The following TENM2 variants were observed in gnomAD, a reference collection of about 807,000 sequenced individuals.
The protein encoded by TENM2 is teneurin transmembrane protein 2.
TENM2 carries 52 observed loss-of-function variants against 245.2 expected under a neutral mutation model. The observed-to-expected ratio is 0.21, with a 90% CI of 0.17 to 0.27. The LOEUF is 0.27. Ranked by LOEUF, TENM2 falls within the 10% of genes least tolerant of loss-of-function variation. The probability of loss-of-function intolerance (pLI) is 1.00; values close to 1 mark genes in which losing one functional copy is unlikely to be tolerated. For missense variants in TENM2, 3,046 were observed against 3,666.8 expected (o/e 0.83, Z 4.37); for synonymous variants, 1,363 against 1,438.9 (o/e 0.95, Z 1.19).
At chr5:167,610,911 T>C (rs1777437308) in intron 2 of TENM2, among the ~76,000 whole-genome samples, 1 of 152,172 alleles carries the variant, frequency 6.6e-6, no homozygotes, top group African/African-American at 2.4e-5. Context: ...AGACAGTCCC[T>C]TATAAGTGCA....
the TENM2 span, among the ~76,000 whole-genome samples, chr5:166,983,206 A>G: frequency 6.6e-6 from 1 of 152,146 alleles, no homozygotes; most frequent in Non-Finnish European, 1.5e-5. Flanking sequence ...GAGGTAGAAA[A>G]TGTTTTCCCT....
At chr5:167,475,771 A>T (rs1279629309) in intron 2 of TENM2, among the ~76,000 whole-genome samples, 4 of 151,924 alleles carry the variant, frequency 2.6e-5, no homozygotes, top group Non-Finnish European at 4.4e-5. Flanking sequence ...TTCCTGTGTT[A>T]GTTTGCTGAG....
chr5:167,702,215 A>G (rs1428532404), intron 2 of TENM2, among the ~76,000 whole-genome samples: 1 of 152,210 alleles, frequency 6.6e-6, no homozygotes, highest in Non-Finnish European at 1.5e-5. Context: ...AGCAAATCCT[A>G]TTAACTCTGC....
At chr5:168,183,835 C>A (rs1403237428) in intron 13 of TENM2, among the ~76,000 whole-genome samples, 2 of 149,944 alleles carry the variant, frequency 1.3e-5, no homozygotes, top group African/African-American at 5.0e-5. Flanking sequence ...CAAGAAGACT[C>A]AAAAAGAAAA....
intron 2 of TENM2, among the ~76,000 whole-genome samples, chr5:167,847,532 A>G (rs1175089209): frequency 2.0e-5 from 3 of 152,190 alleles, no homozygotes; most frequent in Non-Finnish European, 4.4e-5. Flanking sequence ...CCTGAGTTGA[A>G]CCTTCCCCTG....
chr5:166,991,030 AAGAG>A, the TENM2 span, among the ~76,000 whole-genome samples: 1 of 152,156 alleles, frequency 6.6e-6, no homozygotes, highest in Non-Finnish European at 1.5e-5. Flanking sequence ...GAAAGAGTGA[AAGAG>A]AGAATGAAAG....
rs11455974 is a variant in TENM2, at chr5:167,620,549, C to CTTTTT, written c.502+245094_502+245098dup. Among the ~76,000 whole-genome samples, 11 of 73,314 alleles carry CTTTTT rather than the reference C, an allele frequency of 1.5e-4. 1 individual carries two copies. Among genetic ancestry groups the CTTTTT allele is most frequent in the Admixed American group, 4.4e-4 (2 of 4,536 alleles). 48.1% of individuals were successfully genotyped at this position (73,314 alleles called of 152,430 possible). A position where few individuals can be genotyped will look rare whatever the true frequency, so the allele number is the denominator to read the frequency against. The stretch of plus-strand genomic sequence containing the variant: ...TGTTGGCTAAAACTTTGCTTTTTGG[C>CTTTTT]TTTTTTTTTTTTTTTTTTTTTTCAA... On this transcript the variant is annotated intron_variant, in intron 2 of 28. Coordinates refer to ENST00000518659, the Ensembl canonical transcript of TENM2.
the TENM2 span, among the ~76,000 whole-genome samples, chr5:166,987,131 T>C: frequency 2.0e-5 from 3 of 152,124 alleles, no homozygotes; most frequent in Non-Finnish European, 4.4e-5. Flanking sequence ...TTTATATGAT[T>C]TGTGTATGTT....
At chr5:167,187,692 C>T in the TENM2 span, among the ~76,000 whole-genome samples, 1 of 152,060 alleles carries the variant, frequency 6.6e-6, no homozygotes, top group African/African-American at 2.4e-5. Flanking sequence ...TTGTGTTCCT[C>T]CTCCTCTTTT....
At chr5:167,222,390 G>C in the TENM2 span, among the ~76,000 whole-genome samples, 1 of 152,144 alleles carries the variant, frequency 6.6e-6, no homozygotes, top group Non-Finnish European at 1.5e-5. Context: ...CTAAAACTTA[G>C]CTCAGTTTTG....
intron 2 of TENM2, among the ~76,000 whole-genome samples, chr5:167,774,024 G>A (rs1203994240): frequency 1.3e-5 from 2 of 151,936 alleles, no homozygotes; most frequent in African/African-American, 4.8e-5. Flanking sequence ...CTAATATAAG[G>A]GCATGCCTAG....
At chr5:167,585,090 T>TTGTGTTTGTTCCC (rs1249542060) in intron 2 of TENM2, among the ~76,000 whole-genome samples, 2 of 152,198 alleles carry the variant, frequency 1.3e-5, no homozygotes, top group African/African-American at 4.8e-5. Context: ...CACAAATCAT[T>TTGTGTTTGTTCCC]AACCTCTGTG....
intron 2 of TENM2, among the ~76,000 whole-genome samples, chr5:167,405,769 A>AAACACAC (rs1554145973): frequency 6.9e-6 from 1 of 145,186 alleles, no homozygotes; most frequent in African/African-American, 2.5e-5. Flanking sequence ...CACACACACA[A>AAACACAC]ACACACACAC....
the TENM2 span, among the ~76,000 whole-genome samples, chr5:167,012,306 C>T: frequency 6.6e-6 from 1 of 152,196 alleles, no homozygotes; most frequent in African/African-American, 2.4e-5. Context: ...TGGAACATTT[C>T]AGGCATGCCA....
At chr5:168,237,937 T>G (rs1765652733) in intron 25 of TENM2, among the ~76,000 whole-genome samples, 1 of 151,334 alleles carries the variant, frequency 6.6e-6, no homozygotes, top group Non-Finnish European at 1.5e-5. Flanking sequence ...GGTCAGGAGA[T>G]CAAGACCATC....
intron 2 of TENM2, among the ~76,000 whole-genome samples, chr5:167,818,987 T>C (rs1337619345): frequency 6.6e-6 from 1 of 152,098 alleles, no homozygotes; most frequent in Non-Finnish European, 1.5e-5. Flanking sequence ...CACAGGGCAA[T>C]CTGTATCCTT....
chr5:167,391,771 G>C (rs1313709160), intron 2 of TENM2, among the ~76,000 whole-genome samples: 1 of 152,070 alleles, frequency 6.6e-6, no homozygotes, highest in Non-Finnish European at 1.5e-5. Context: ...AGACAACTAA[G>C]TAGAAAGGCA....
intron 2 of TENM2, among the ~76,000 whole-genome samples, chr5:167,792,844 G>A (rs1765077975): frequency 6.6e-6 from 1 of 151,976 alleles, no homozygotes; most frequent in African/African-American, 2.4e-5. Context: ...AAAGAGTTTT[G>A]CTCTAGGTCC....
At chr5:168,246,809 C>T (rs1050624365) in exon 27 of TENM2, 4 of 1,613,858 alleles carry the variant, frequency 2.5e-6, no homozygotes, top group African/African-American at 2.7e-5. Context: ...GAGTATGACT[C>T]CTCTGACCGC....
Sources: allele counts gnomAD v4.1 joint callset (sites outside exome capture counted in the v4.1 genomes callset), GRCh38; gene constraint gnomAD v4.1.1; transcripts MANE v1.5; gene names NCBI Gene and HGNC (gene_info 2026-07-23, HGNC 2026-07-21).